IMMP2L: variants seen among roughly 807,000 people sequenced by gnomAD.
IMMP2L encodes mitochondrial inner membrane protease subunit 2.
In IMMP2L, 18 loss-of-function variants were observed where a neutral mutation model predicts 19.3. That is an observed-to-expected ratio of 0.93 (90% CI 0.64 to 1.38). IMMP2L has a LOEUF of 1.38. Among genes scored for constraint, IMMP2L ranks in the 40% most tolerant of loss-of-function variants. The pLI is 0.00. For synonymous variants in IMMP2L, 76 were observed against 73.0 expected, an observed-to-expected ratio of 1.04 and a Z score of -0.21; for missense variants, 233 against 218.2, an observed-to-expected ratio of 1.07 and a Z score of -0.43.
chr7:110,939,703 A>G (rs1816526083), intron 4 of IMMP2L, among the ~76,000 whole-genome samples: 1 of 152,184 alleles, frequency 6.6e-6, no homozygotes, highest in Non-Finnish European at 1.5e-5. Flanking sequence ...CTAGGCTGGC[A>G]GTAGGGTACA....
rs573440296 is a variant in IMMP2L at position 111,535,298 on chromosome 7, G to A, written c.-2-13849C>T. Among the ~76,000 whole-genome samples, 299 of 151,474 alleles carry A rather than the reference G, an allele frequency of 2.0e-3. 4 individuals are homozygous for A. The highest frequency in any genetic ancestry group is 7.0e-3 in the African/African-American group (289 of 41,296). The stretch of plus-strand genomic sequence containing the variant: ...AAGAAACAAAAAACAAAAAAAGGAA[G>A]CAAAAAGGAGAAATGAAGGAAGGGA... On this transcript the variant is annotated intron_variant, in intron 1 of 5. Coordinates refer to ENST00000405709, the MANE Select transcript of IMMP2L (RefSeq NM_032549.4).
chr7:110,889,415 GC>G (rs1309081874), intron 4 of IMMP2L, among the ~76,000 whole-genome samples: 1 of 152,146 alleles, frequency 6.6e-6, no homozygotes, highest in East Asian at 1.9e-4. Flanking sequence ...GTCATAAGGA[GC>G]ATGCAACCTA....
intron 5 of IMMP2L, among the ~76,000 whole-genome samples, chr7:110,787,100 A>G (rs2131120880): frequency 6.6e-6 from 1 of 152,160 alleles, no homozygotes; most frequent in Admixed American, 6.6e-5. Flanking sequence ...TATAAGGGAG[A>G]AAACTGAAGG....
chr7:111,302,382 A>G (rs1197176357), intron 3 of IMMP2L, among the ~76,000 whole-genome samples: 1 of 152,140 alleles, frequency 6.6e-6, no homozygotes, highest in Non-Finnish European at 1.5e-5. Context: ...TGTTCAGCAG[A>G]CCAGCACATA....
intron 3 of IMMP2L, among the ~76,000 whole-genome samples, chr7:111,187,227 T>C (rs1027497120): frequency 1.3e-5 from 2 of 152,098 alleles, no homozygotes; most frequent in African/African-American, 4.8e-5. Context: ...GCCCTTCCCT[T>C]TCTGGCCAAG....
Position 111,213,368 on chromosome 7 carries a change from G to A in IMMP2L, c.240-249803C>T, listed in dbSNP as rs549162236. On this transcript the variant is annotated intron_variant, in intron 3 of 5. Coordinates refer to ENST00000405709, the MANE Select transcript of IMMP2L (RefSeq NM_032549.4). The surrounding 1 kb of genome is among the most constrained non-coding windows in gnomAD (Gnocchi z 4.8). ...TGGGGCCTGAAGGCAGCTTGGTGCTGGCCTGCAGGCACCCCACAGCACAAA... is the reference window on the plus strand; with the variant it reads ...TGGGGCCTGAAGGCAGCTTGGTGCTAGCCTGCAGGCACCCCACAGCACAAA... Among the ~76,000 whole-genome samples, 1 of 152,156 alleles carries A rather than the reference G, an allele frequency of 6.6e-6. No individual in the cohort carries two copies. Among genetic ancestry groups the A allele is most frequent in the Non-Finnish European group, 1.5e-5 (1 of 68,020 alleles).
intron 3 of IMMP2L, among the ~76,000 whole-genome samples, chr7:111,435,491 A>G (rs1837068441): frequency 6.6e-6 from 1 of 151,850 alleles, no homozygotes; most frequent in Admixed American, 6.6e-5. Context: ...ACATGGACAT[A>G]CAGAGTGGAA....
At chr7:110,935,974 G>C (rs1816061530) in intron 4 of IMMP2L, among the ~76,000 whole-genome samples, 1 of 152,144 alleles carries the variant, frequency 6.6e-6, no homozygotes, top group Admixed American at 6.5e-5. Context: ...AATAAATGGT[G>C]ATGGGCAAAC....
At chr7:111,541,252 T>C (rs1374888281) in intron 1 of IMMP2L, among the ~76,000 whole-genome samples, 1 of 152,154 alleles carries the variant, frequency 6.6e-6, no homozygotes, top group East Asian at 1.9e-4. Context: ...CAAAGGCCAT[T>C]TCTGACTTCT....
intron 3 of IMMP2L, among the ~76,000 whole-genome samples, chr7:111,098,497 T>C (rs1395155926): frequency 1.3e-5 from 2 of 151,804 alleles, no homozygotes; most frequent in African/African-American, 2.4e-5. Context: ...AAACAAATGT[T>C]CTGACATAAA....
At chr7:111,166,583 T>G (rs1432700215) in intron 3 of IMMP2L, among the ~76,000 whole-genome samples, 1 of 151,998 alleles carries the variant, frequency 6.6e-6, no homozygotes, top group East Asian at 1.9e-4. Context: ...CCACACATAC[T>G]GTATTAGTTT....
chr7:111,110,074 G>T (rs1156712895), intron 3 of IMMP2L, among the ~76,000 whole-genome samples: 2 of 152,164 alleles, frequency 1.3e-5, no homozygotes, highest in East Asian at 3.9e-4. Flanking sequence ...GGTGGAGGTT[G>T]CAGTAAGCTG....
At chr7:110,732,863 G>A (rs575391031) in intron 5 of IMMP2L, among the ~76,000 whole-genome samples, 59 of 150,866 alleles carry the variant, frequency 3.9e-4, no homozygotes, top group Middle Eastern at 3.4e-3. Flanking sequence ...ACAGTTCACC[G>A]CAGCCTCAAA....
chr7:111,539,897 A>C (rs1034385159), intron 1 of IMMP2L, among the ~76,000 whole-genome samples: 4 of 152,160 alleles, frequency 2.6e-5, no homozygotes, highest in Non-Finnish European at 5.9e-5. Context: ...ATCCAGGTAG[A>C]GGGAAAACAA....
chr7:111,221,288 AAT>A (rs1812483856), intron 3 of IMMP2L, among the ~76,000 whole-genome samples: 1 of 152,130 alleles, frequency 6.6e-6, no homozygotes, highest in South Asian at 2.1e-4. Context: ...CTCTAGAGAT[AAT>A]AGTCAATATC....
intron 5 of IMMP2L, among the ~76,000 whole-genome samples, chr7:110,742,305 T>C (rs1418146395): frequency 6.6e-6 from 1 of 152,124 alleles, no homozygotes; most frequent in Non-Finnish European, 1.5e-5. Flanking sequence ...TGTTTATATA[T>C]CGTAAGTAAA....
intron 4 of IMMP2L, among the ~76,000 whole-genome samples, chr7:110,950,076 C>T (rs867006308): frequency 6.6e-6 from 1 of 152,132 alleles, no homozygotes; most frequent in Non-Finnish European, 1.5e-5. Context: ...ACGTTTCTTT[C>T]TAGACGTTGC....
chr7:111,028,433 G>C (rs1409019475), intron 3 of IMMP2L, among the ~76,000 whole-genome samples: 1 of 152,030 alleles, frequency 6.6e-6, no homozygotes, highest in Non-Finnish European at 1.5e-5. Context: ...CTTGCAATCA[G>C]CATAGGGAAA....
intron 4 of IMMP2L, among the ~76,000 whole-genome samples, chr7:110,956,067 A>G (rs1468844256): frequency 6.6e-6 from 1 of 152,034 alleles, no homozygotes; most frequent in African/African-American, 2.4e-5. Flanking sequence ...ATAGGCTAAT[A>G]TTGATTTCCA....
Sources: allele counts gnomAD v4.1 joint callset (sites outside exome capture counted in the v4.1 genomes callset), GRCh38; gene constraint gnomAD v4.1.1; non-coding constraint Gnocchi (gnomAD v3.1); transcripts MANE v1.5; gene names NCBI Gene and HGNC (gene_info 2026-07-23, HGNC 2026-07-21).